Variants in IL1RAPL2 observed in about 807,000 individuals in gnomAD.
The protein encoded by IL1RAPL2 is interleukin 1 receptor accessory protein like 2, also known as X-linked interleukin-1 receptor accessory protein-like 2.
In IL1RAPL2, 3 loss-of-function variants were observed where a neutral mutation model predicts 44.1. The observed-to-expected ratio is 0.07, with a 90% confidence interval of 0.03 to 0.18. The LOEUF (loss-of-function observed/expected upper bound fraction) is 0.18, where lower values mean the gene tolerates loss of function less well. Ranked by LOEUF, IL1RAPL2 falls within the 10% of genes least tolerant of loss-of-function variation. The probability of loss-of-function intolerance (pLI) is 1.00; values close to 1 mark genes in which losing one functional copy is unlikely to be tolerated. For missense variants in IL1RAPL2, 391 were observed against 496.4 expected (o/e 0.79, Z 2.02); for synonymous variants, 181 against 178.8 (o/e 1.01, Z -0.10).
At chrX:105,447,454 T>C (rs1442355208) in intron 5 of IL1RAPL2, among the ~76,000 whole-genome samples, 11 of 71,631 alleles carry the variant, frequency 1.5e-4, no homozygotes, top group Non-Finnish European at 1.2e-4. Flanking sequence ...TAAATATAAA[T>C]AAACATAAAT....
chrX:105,363,866 T>C lies in IL1RAPL2; in HGVS notation c.697+96325T>C, dbSNP rs183735801. The stretch of plus-strand genomic sequence containing the variant: ...TGATATTAGCCCCTTATCAGATGTA[T>C]TGTTTGCAAATATTTTCTCCCAATC... On this transcript the variant is annotated intron_variant, in intron 5 of 10. Coordinates refer to ENST00000372582, the MANE Select transcript of IL1RAPL2 (RefSeq NM_017416.2). Among the ~76,000 whole-genome samples the C allele has an allele frequency of 4.9e-3, 545 of 111,350 alleles. 5 individuals are homozygous for C. Among genetic ancestry groups the C allele is most frequent in the African/African-American group, 0.017 (515 of 30,777 alleles).
chrX:105,373,337 G>A (rs2035359229), intron 5 of IL1RAPL2, among the ~76,000 whole-genome samples: 1 of 111,705 alleles, frequency 9.0e-6, no homozygotes, highest in African/African-American at 3.3e-5. Context: ...GTCTGTCCAT[G>A]TCCTTTGCCC....
intron 2 of IL1RAPL2, among the ~76,000 whole-genome samples, chrX:104,806,813 G>C (rs916080480): frequency 8.9e-6 from 1 of 111,925 alleles, no homozygotes; most frequent in African/African-American, 3.3e-5. Context: ...GAAGTTGGTA[G>C]TAAAATGATA....
intron 2 of IL1RAPL2, among the ~76,000 whole-genome samples, chrX:105,131,803 G>A (rs887767775): frequency 9.0e-6 from 1 of 111,676 alleles, no homozygotes; most frequent in African/African-American, 3.2e-5. Context: ...GCTTATGAGT[G>A]GGGATATCTG....
At chrX:104,738,417 T>C (rs938060665) in intron 2 of IL1RAPL2, among the ~76,000 whole-genome samples, 9 of 112,003 alleles carry the variant, frequency 8.0e-5, no homozygotes, top group African/African-American at 2.9e-4. Context: ...TTGAAAGATT[T>C]CATGAGAAAA....
chrX:104,951,151 C>T (rs368952701), intron 2 of IL1RAPL2, among the ~76,000 whole-genome samples: 6 of 112,043 alleles, frequency 5.4e-5, no homozygotes, highest in African/African-American at 1.6e-4. Context: ...GCGTCACTCA[C>T]GCTGGGAGCT....
intron 2 of IL1RAPL2, among the ~76,000 whole-genome samples, chrX:105,169,492 CTTTTTTT>C (rs748101220): frequency 2.2e-4 from 9 of 41,561 alleles, no homozygotes; most frequent in African/African-American, 8.3e-4. Context: ...TTCTTTCTTT[CTTTTTTT>C]TTTTTTTTTT....
At chrX:104,938,858 G>A (rs1272749717) in intron 2 of IL1RAPL2, among the ~76,000 whole-genome samples, 1 of 111,212 alleles carries the variant, frequency 9.0e-6, no homozygotes, top group Non-Finnish European at 1.9e-5. Flanking sequence ...TGGGAAAATA[G>A]CATTTGCACA....
intron 2 of IL1RAPL2, among the ~76,000 whole-genome samples, chrX:105,079,712 T>G (rs887765812): frequency 9.1e-6 from 1 of 110,158 alleles, no homozygotes; most frequent in Non-Finnish European, 1.9e-5. Flanking sequence ...TTGGGTATAT[T>G]CCCAGTAATA....
At chrX:104,616,193 T>C (rs781272442) in intron 1 of IL1RAPL2, among the ~76,000 whole-genome samples, 47 of 112,418 alleles carry the variant, frequency 4.2e-4, no homozygotes, top group Non-Finnish European at 8.1e-4. Flanking sequence ...CTGATGATAG[T>C]TGTTTTTCTG....
chrX:105,423,118 A>T (rs1449333002), intron 5 of IL1RAPL2, among the ~76,000 whole-genome samples: 1 of 111,481 alleles, frequency 9.0e-6, no homozygotes, highest in Non-Finnish European at 1.9e-5. Context: ...TTATTTTGGA[A>T]CACATAGCAA....
At chrX:105,425,488 CT>C (rs1183722274) in intron 5 of IL1RAPL2, among the ~76,000 whole-genome samples, 38 of 75,982 alleles carry the variant, frequency 5.0e-4, no homozygotes, top group Admixed American at 1.6e-3. Context: ...GCTCTTTTAA[CT>C]TTTTTTTTTT....
intron 5 of IL1RAPL2, among the ~76,000 whole-genome samples, chrX:105,387,364 A>C (rs909143391): frequency 9.2e-6 from 1 of 108,689 alleles, no homozygotes; most frequent in Admixed American, 9.9e-5. Flanking sequence ...CCTCCTGAGT[A>C]GCTGGGATTA....
intron 1 of IL1RAPL2, among the ~76,000 whole-genome samples, chrX:104,655,646 G>C (rs755803809): frequency 1.4e-3 from 154 of 111,132 alleles, no homozygotes; most frequent in African/African-American, 4.8e-3. Context: ...TTTTTGTTGT[G>C]TCTCTGCCAG....
intron 5 of IL1RAPL2, among the ~76,000 whole-genome samples, chrX:105,428,978 C>T (rs1221285714): frequency 9.0e-6 from 1 of 111,221 alleles, no homozygotes; most frequent in African/African-American, 3.3e-5. Context: ...CGTTCTGCCC[C>T]AAAGACAGAA....
intron 5 of IL1RAPL2, among the ~76,000 whole-genome samples, chrX:105,473,300 G>A (rs2147771389): frequency 9.0e-6 from 1 of 111,563 alleles, no homozygotes; most frequent in African/African-American, 3.2e-5. Context: ...AAACAAATAG[G>A]TTACTCACAA....
intron 2 of IL1RAPL2, among the ~76,000 whole-genome samples, chrX:104,691,064 T>C (rs1569297934): frequency 8.9e-6 from 1 of 111,856 alleles, no homozygotes; most frequent in East Asian, 2.8e-4. Context: ...CTTTTGAATA[T>C]TTCCCCAACC....
At chrX:105,318,451 A>G (rs890455033) in intron 5 of IL1RAPL2, among the ~76,000 whole-genome samples, 1 of 111,649 alleles carries the variant, frequency 9.0e-6, no homozygotes, top group African/African-American at 3.3e-5. Flanking sequence ...TCAGTCAGAG[A>G]AAAAAAATTT....
At chrX:105,273,254 C>T (rs2034461132) in intron 5 of IL1RAPL2, among the ~76,000 whole-genome samples, 1 of 110,709 alleles carries the variant, frequency 9.0e-6, no homozygotes, top group Non-Finnish European at 1.9e-5. Flanking sequence ...GCTCAGAAAA[C>T]AATACTTCAA....
Sources: allele counts gnomAD v4.1 joint callset (sites outside exome capture counted in the v4.1 genomes callset), GRCh38; gene constraint gnomAD v4.1.1; transcripts MANE v1.5; gene names NCBI Gene and HGNC (gene_info 2026-07-23, HGNC 2026-07-21).